The following COPS7B variants were observed in gnomAD, a reference collection of about 807,000 sequenced individuals.
The protein encoded by COPS7B is COP9 signalosome subunit 7B.
In COPS7B, 9 loss-of-function variants were observed where a neutral mutation model predicts 33.4. The ratio of observed to expected loss-of-function variants is 0.27; its 90% CI spans 0.16 to 0.47. The LOEUF (loss-of-function observed/expected upper bound fraction) is 0.47, where lower values mean the gene tolerates loss of function less well. COPS7B is among the 20% of genes least tolerant of loss of function. The probability of loss-of-function intolerance (pLI) is 0.99; values close to 1 mark genes in which losing one functional copy is unlikely to be tolerated. For synonymous variants in COPS7B, 119 were observed against 126.3 expected (o/e 0.94, Z 0.39); for missense variants, 242 against 318.2 (o/e 0.76, Z 1.82).
intron 6 of COPS7B, among the ~76,000 whole-genome samples, chr2:231,804,024 A>G (rs564017829): frequency 2.6e-5 from 4 of 152,212 alleles, no homozygotes; most frequent in Non-Finnish European, 4.4e-5. Context: ...AGCCGGCCCA[A>G]ATCACCTTGG....
chr2:231,790,282 T>C (rs2049375302), intron 2 of COPS7B: 1 of 152,246 alleles, frequency 6.6e-6, no homozygotes, highest in South Asian at 2.1e-4. Context: ...AAAGACCTTA[T>C]TGATTTAGGC....
At chr2:231,805,236 C>A in intron 6 of COPS7B, among the ~76,000 whole-genome samples, 1 of 151,762 alleles carries the variant, frequency 6.6e-6, no homozygotes, top group East Asian at 1.9e-4. Flanking sequence ...AAGCCATTGG[C>A]TTGCTCCAGA....
chr2:231,795,996 G>C (rs2049555275), intron 4 of COPS7B, 110 bp from the exon 5 acceptor site: 2 of 784,578 alleles, frequency 2.5e-6, no homozygotes, highest in African/African-American at 1.7e-5. Context: ...ATTACCACTA[G>C]CCTGCGTTTC....
chr2:231,783,664 T>G (rs1209776306), upstream of COPS7B, among the ~76,000 whole-genome samples: 1 of 152,210 alleles, frequency 6.6e-6, no homozygotes, highest in Non-Finnish European at 1.5e-5. Context: ...TGATATATGC[T>G]TTGCAGATAT....
upstream of COPS7B, among the ~76,000 whole-genome samples, chr2:231,782,473 C>G (rs781687479): frequency 2.0e-5 from 3 of 152,192 alleles, no homozygotes; most frequent in Non-Finnish European, 4.4e-5. Flanking sequence ...CCTTGGAAAC[C>G]TCCTCTGTCC....
At chr2:231,804,820 C>T (rs1280872759) in intron 6 of COPS7B, among the ~76,000 whole-genome samples, 1 of 152,100 alleles carries the variant, frequency 6.6e-6, no homozygotes, top group Non-Finnish European at 1.5e-5. Context: ...AACACATTCC[C>T]TCAGGTAATG....
At position 231,807,637 on chromosome 2, in the gene COPS7B, C is replaced by A; in HGVS notation, c.787C>A (p.Arg263Ser). The A allele has an allele frequency of 6.4e-7, 1 of 1,552,852 alleles. No homozygotes were observed. Among genetic ancestry groups the A allele is most frequent in the Non-Finnish European group, 8.7e-7 (1 of 1,148,226 alleles). The change falls in exon 7 of 7, where the codon CGC becomes AGC. Residue 263 changes from arginine to serine, a missense_variant. By Grantham distance (110) the Arg-to-Ser change is moderately radical. Coordinates refer to ENST00000350033, the MANE Select transcript of COPS7B (RefSeq NM_022730.4). ...MSKVKGLVSS[R>S]H is the part of the protein sequence containing the mutation. ...CAAAGTGAAAGGTCTGGTCTCCAGC[C>A]GCCACTAGGGCCGGCTGGGGCAGCT...
rs571075958 is a variant in COPS7B at position 231,800,397 on chromosome 2, A to G, written c.636+1433A>G. 7.2e-5 allele frequency among the ~76,000 whole-genome samples: 11 copies of G among 152,342 alleles called. No individual in the cohort carries two copies. In the South Asian group the frequency reaches 2.3e-3, roughly 32 times the overall value. On this transcript the variant is annotated intron_variant, in intron 6 of 6. Coordinates refer to ENST00000350033, the MANE Select transcript of COPS7B (RefSeq NM_022730.4). ...AGGTCTGAACAAAGTAGGAAGGGCT[A>G]ACCGCTTTCTCCTTTCTGTTTATTC...
intron 2 of COPS7B, 67 bp from the exon 3 acceptor site, chr2:231,791,666 T>G: frequency 1.5e-6 from 2 of 1,359,720 alleles, no homozygotes; most frequent in South Asian, 1.2e-5. Context: ...TCACCCGTCC[T>G]CTGTTTGAAC....
At chr2:231,794,410 C>T in intron 4 of COPS7B, 59 bp downstream of exon 4, 5 of 1,366,072 alleles carry the variant, frequency 3.7e-6, no homozygotes, top group Non-Finnish European at 5.2e-6. Context: ...GTCTCATTGA[C>T]ATCAATGAAG....
intron 6 of COPS7B, among the ~76,000 whole-genome samples, chr2:231,805,855 C>T (rs1253345765): frequency 1.3e-5 from 2 of 151,480 alleles, no homozygotes; most frequent in East Asian, 3.9e-4. Flanking sequence ...CACTATGTTG[C>T]CCAGGCTGGT....
At chr2:231,806,179 T>G (rs1289643249) in intron 6 of COPS7B, among the ~76,000 whole-genome samples, 1 of 152,100 alleles carries the variant, frequency 6.6e-6, no homozygotes, top group African/African-American at 2.4e-5. Context: ...TGTCTTTGCA[T>G]TTGGACTGTC....
At chr2:231,801,394 A>G in intron 6 of COPS7B, 1 of 698,840 alleles carries the variant, frequency 1.4e-6, no homozygotes, top group Non-Finnish European at 1.8e-6. Flanking sequence ...GGGAGGTAAT[A>G]CTTAGAGCAT....
chr2:231,801,029 G>A (rs1288953266), intron 6 of COPS7B: 2 of 852,648 alleles, frequency 2.3e-6, no homozygotes, highest in Non-Finnish European at 3.8e-6. Flanking sequence ...GAATCAGGGT[G>A]ATTCTGTCGT....
intron 6 of COPS7B, among the ~76,000 whole-genome samples, chr2:231,803,509 A>G (rs1287428044): frequency 6.6e-6 from 1 of 152,208 alleles, no homozygotes; most frequent in Non-Finnish European, 1.5e-5. Context: ...CTGAGCCCCT[A>G]AAAAAGCTGA....
chr2:231,794,439 A>G (rs1176638446), intron 4 of COPS7B, 88 bp downstream of exon 4: 5 of 1,027,672 alleles, frequency 4.9e-6, no homozygotes, highest in South Asian at 1.4e-5. Flanking sequence ...AGCTGCACAT[A>G]GGAGAGTCAC....
Position 231,807,835 on chromosome 2 carries a change from G to C in COPS7B, c.*190G>C. ...CCCTCACCCACTCCCTCCTTCCCCA[G>C]TTGTTCCCTTCAGACTCAGGGGCTC... On this transcript the variant is annotated 3_prime_UTR_variant, in exon 7 of 7. Coordinates refer to ENST00000350033, the MANE Select transcript of COPS7B (RefSeq NM_022730.4). The C allele has an allele frequency of 3.7e-6, 2 of 542,310 alleles. No homozygotes were observed. Among genetic ancestry groups the C allele is most frequent in the African/African-American group, 1.9e-5 (1 of 51,770 alleles). The allele number at this position is 542,310 out of a possible 1,614,324, so 33.6% of individuals were successfully genotyped here. A position where few individuals can be genotyped will look rare whatever the true frequency, so the allele number is the denominator to read the frequency against.
rs759786591 is a variant in COPS7B at position 231,808,446 on chromosome 2, G to A, written c.*801G>A. On this transcript the variant is annotated 3_prime_UTR_variant, in exon 7 of 7. Coordinates refer to ENST00000350033, the MANE Select transcript of COPS7B (RefSeq NM_022730.4). ...GCCCCAGCTGCCCACTGGAACTGCC[G>A]GCTAATGCTTGCTCTCCCAAGATCT... is the stretch of plus-strand genomic sequence containing the variant. 4.2e-6 allele frequency: 2 copies of A among 471,430 alleles called. No homozygotes were observed. The highest frequency in any genetic ancestry group is 4.4e-6 in the Non-Finnish European group (1 of 227,158). 29.2% of individuals were successfully genotyped at this position (471,430 alleles called of 1,614,324 possible).
chr2:231,793,247 C>T (rs193182719), intron 3 of COPS7B, among the ~76,000 whole-genome samples: 36 of 152,246 alleles, frequency 2.4e-4, no homozygotes, highest in Admixed American at 1.9e-3. Context: ...TAATATGATG[C>T]GCATGCCTTT....
Sources: allele counts gnomAD v4.1 joint callset (sites outside exome capture counted in the v4.1 genomes callset), GRCh38; gene constraint gnomAD v4.1.1; transcripts MANE v1.5; gene names NCBI Gene and HGNC (gene_info 2026-07-23, HGNC 2026-07-21).